The following SLC44A5 variants were observed in gnomAD, a reference collection of about 807,000 sequenced individuals.
The protein encoded by SLC44A5 is solute carrier family 44 member 5.
Under a neutral mutation model 101.8 loss-of-function variants are expected in SLC44A5, and 57 were observed. That is an observed-to-expected ratio of 0.56 (90% CI 0.45 to 0.70). The LOEUF (loss-of-function observed/expected upper bound fraction) is 0.70. Among genes scored for constraint, SLC44A5 ranks in the 30% least tolerant of loss-of-function variants. The probability of loss-of-function intolerance (pLI) is 0.00; values close to 1 mark genes in which losing one functional copy is unlikely to be tolerated. For synonymous variants in SLC44A5, 281 were observed against 290.9 expected, an observed-to-expected ratio of 0.97 and a Z score of 0.35; for missense variants, 737 against 853.1, an observed-to-expected ratio of 0.86 and a Z score of 1.70.
chr1:75,711,990 C>T, the SLC44A5 span, among the ~76,000 whole-genome samples: 2 of 152,216 alleles, frequency 1.3e-5, no homozygotes, highest in Admixed American at 6.5e-5. Context: ...GGATTATGCT[C>T]TATTCTTTGG....
intron 2 of SLC44A5, among the ~76,000 whole-genome samples, chr1:75,488,709 T>A (rs538151385): frequency 6.6e-6 from 1 of 152,334 alleles, no homozygotes; most frequent in South Asian, 2.1e-4. Flanking sequence ...TTTATTTCCC[T>A]AAGATGAAAT....
the SLC44A5 span, among the ~76,000 whole-genome samples, chr1:75,659,443 G>GGGAGGGAGGGAGGGAAGGAA: frequency 3.3e-5 from 2 of 61,102 alleles, no homozygotes; most frequent in African/African-American, 7.5e-5. Flanking sequence ...GAGGGAGGGA[G>GGGAGGGAGGGAGGGAAGGAA]GGAAGGAAGG....
Position 75,484,081 on chromosome 1 carries a change from C to T in SLC44A5, c.13+57354G>A, listed in dbSNP as rs191108774. On this transcript the variant is annotated intron_variant, in intron 2 of 23. Coordinates refer to ENST00000370859, the MANE Select transcript of SLC44A5 (RefSeq NM_001130058.2). ...ATGAGATTTGGGAGGGGACACAGAGCCAAGCCATATCATTCTGTCCCTGGC... is the reference window on the plus strand; with the variant it reads ...ATGAGATTTGGGAGGGGACACAGAGTCAAGCCATATCATTCTGTCCCTGGC... Among the ~76,000 whole-genome samples the T allele has an allele frequency of 3.9e-4, 60 of 152,210 alleles. 1 individual carries two copies. Among genetic ancestry groups the T allele is most frequent in the African/African-American group, 1.4e-3 (60 of 41,532 alleles).
At chr1:75,341,516 G>T (rs961737045) in intron 3 of SLC44A5, among the ~76,000 whole-genome samples, 1 of 148,946 alleles carries the variant, frequency 6.7e-6, no homozygotes, top group Non-Finnish European at 1.5e-5. Context: ...GAAAGGAAGA[G>T]AAAAGAAAGA....
the SLC44A5 span, among the ~76,000 whole-genome samples, chr1:75,694,026 ATAGT>A: frequency 1.3e-5 from 2 of 151,642 alleles, no homozygotes; most frequent in Middle Eastern, 3.4e-3. Flanking sequence ...AAATGGGATG[ATAGT>A]TAGGAGAGGA....
the SLC44A5 span, among the ~76,000 whole-genome samples, chr1:75,722,186 T>C: frequency 1.3e-5 from 2 of 152,138 alleles, no homozygotes; most frequent in Non-Finnish European, 2.9e-5. Context: ...TATTTGAATC[T>C]AGGTGATAAT....
intron 19 of SLC44A5, 54 bp from the exon 20 acceptor site, chr1:75,214,732 C>T (rs1646927792): frequency 7.0e-7 from 1 of 1,424,534 alleles, no homozygotes; most frequent in African/African-American, 1.4e-5. Context: ...CTAACAAGAT[C>T]AAAAGACAAT....
the SLC44A5 span, among the ~76,000 whole-genome samples, chr1:75,653,428 G>A: frequency 6.6e-6 from 1 of 152,170 alleles, no homozygotes; most frequent in Non-Finnish European, 1.5e-5. Context: ...GTTGTAGTGA[G>A]CCAAGATTGC....
At chr1:75,434,277 C>T (rs1206868634) in intron 2 of SLC44A5, among the ~76,000 whole-genome samples, 2 of 152,142 alleles carry the variant, frequency 1.3e-5, no homozygotes, top group East Asian at 3.8e-4. Context: ...TTTGAAATGT[C>T]TCTTGAGTTT....
intron 23 of SLC44A5, among the ~76,000 whole-genome samples, chr1:75,204,208 A>G (rs61796521): frequency 0.011 from 1,651 of 152,274 alleles, 26 homozygotes; most frequent in Middle Eastern, 0.037. Flanking sequence ...TAAATAGTAT[A>G]GCCTTGAAAA....
intron 18 of SLC44A5, 25 bp downstream of exon 18, chr1:75,217,841 A>G: frequency 1.4e-6 from 2 of 1,453,050 alleles, no homozygotes; most frequent in Non-Finnish European, 1.9e-6. Context: ...TATCTTCACA[A>G]AAGTCAGGAC....
At chr1:75,372,580 C>T (rs975789332) in intron 3 of SLC44A5, among the ~76,000 whole-genome samples, 10 of 152,020 alleles carry the variant, frequency 6.6e-5, no homozygotes, top group African/African-American at 2.4e-4. Flanking sequence ...GAACAATGGT[C>T]AAAATGGGTT....
At chr1:75,611,205 G>A (rs931074204), upstream of SLC44A5, 1 of 483,690 alleles carries the variant, frequency 2.1e-6, no homozygotes, top group Non-Finnish European at 2.7e-6. Flanking sequence ...GGTCCTACTA[G>A]CCTTGCTAGC....
At chr1:75,687,262 G>T in the SLC44A5 span, among the ~76,000 whole-genome samples, 7 of 152,124 alleles carry the variant, frequency 4.6e-5, no homozygotes, top group East Asian at 1.4e-3. Flanking sequence ...TATCTCATGT[G>T]AAAGTGAATG....
At chr1:75,214,578 A>T in intron 20 of SLC44A5, 27 bp downstream of exon 20, 3 of 1,589,942 alleles carry the variant, frequency 1.9e-6, no homozygotes, top group Non-Finnish European at 2.6e-6. Context: ...ACATTGTTAA[A>T]TTACATTGTG....
intron 3 of SLC44A5, among the ~76,000 whole-genome samples, chr1:75,371,552 G>T (rs1335098215): frequency 6.6e-6 from 1 of 151,916 alleles, no homozygotes; most frequent in African/African-American, 2.4e-5. Context: ...TTAAGAAAAT[G>T]AAAAATTAAA....
intron 3 of SLC44A5, among the ~76,000 whole-genome samples, chr1:75,384,310 C>T (rs1226122165): frequency 4.3e-4 from 64 of 150,358 alleles, no homozygotes; most frequent in African/African-American, 1.4e-3. Context: ...TTCAGGAAAC[C>T]CATCTCACGT....
At chr1:75,445,302 T>G (rs1665490072) in intron 2 of SLC44A5, among the ~76,000 whole-genome samples, 1 of 151,998 alleles carries the variant, frequency 6.6e-6, no homozygotes, top group South Asian at 2.1e-4. Context: ...GCTCCCCTTG[T>G]GTCTTCTGCC....
chr1:75,537,984 G>A (rs910395204), intron 2 of SLC44A5: 2 of 152,064 alleles, frequency 1.3e-5, no homozygotes, highest in African/African-American at 4.8e-5. Context: ...ATGTGCTATT[G>A]GAACCCAAAG....
Sources: gnomAD v4.1 joint callset for allele counts (sites outside exome capture counted in the v4.1 genomes callset) on GRCh38, gnomAD v4.1.1 for gene constraint, MANE v1.5 for transcripts, NCBI Gene and HGNC (gene_info 2026-07-23, HGNC 2026-07-21) for gene names.